IL12RB1: variants seen among roughly 807,000 people sequenced by gnomAD.
The protein encoded by IL12RB1 is interleukin 12 receptor subunit beta 1, also known as interleukin-12 receptor subunit beta-1.
A neutral mutation model predicts 94.4 loss-of-function variants in IL12RB1; 64 were observed. That is an observed-to-expected ratio of 0.68 (90% CI 0.55 to 0.83). The LOEUF (loss-of-function observed/expected upper bound fraction) is 0.83, where lower values mean the gene tolerates loss of function less well. IL12RB1 is among the 40% of genes least tolerant of loss of function. The pLI, the probability that IL12RB1 is intolerant of heterozygous loss-of-function variation, is 0.00. For missense variants in IL12RB1, 814 were observed against 855.6 expected (o/e 0.95, Z 0.61); for synonymous variants, 362 against 355.5 (o/e 1.02, Z -0.21).
At chr19:18,062,748 G>T (rs17879124) in intron 13 of IL12RB1, among the ~76,000 whole-genome samples, 30 of 151,692 alleles carry the variant, frequency 2.0e-4, no homozygotes, top group Admixed American at 2.0e-3. Flanking sequence ...TTCCAGCCTC[G>T]GCAATAAGAG....
rs1260690991 is a variant in IL12RB1 at position 18,066,616 on chromosome 19, A to T, written c.1409T>A (p.Leu470Gln). Reference sequence around the variant, plus strand: ...TAGGACGCCGGGACAGGTGCTCAGCAGGGATGGTGCCCAGTCCACAGACAC... The same window carrying T: ...TAGGACGCCGGGACAGGTGCTCAGCTGGGATGGTGCCCAGTCCACAGACAC... ...DSVSVDWAPSLLSTCPGVLKE... is the reference protein window; with the variant it reads ...DSVSVDWAPSQLSTCPGVLKE... The change falls in exon 12 of 17, where the codon CTG becomes CAG. Residue 470 changes from leucine to glutamine, a missense_variant. Coordinates refer to ENST00000593993, the MANE Select transcript of IL12RB1 (RefSeq NM_005535.3). 2 of 1,613,298 alleles carry T rather than the reference A, an allele frequency of 1.2e-6. No homozygotes were observed. Among genetic ancestry groups the T allele is most frequent in the South Asian group, 2.2e-5 (2 of 91,068 alleles).
intron 8 of IL12RB1, 95 bp from the exon 9 acceptor site, chr19:18,072,444 A>C (rs1476792564): frequency 1.2e-6 from 1 of 808,584 alleles, no homozygotes; most frequent in Non-Finnish European, 2.2e-6. Context: ...ACAGACTTGG[A>C]CAAAGGCCAC....
chr19:18,077,773 A>C (rs928163996), intron 4 of IL12RB1, 118 bp from the exon 5 acceptor site: 1 of 737,592 alleles, frequency 1.4e-6, no homozygotes, highest in Non-Finnish European at 2.5e-6. Context: ...ATTAGGGGAC[A>C]CTTGCAGGTC....
At chr19:18,097,792 C>A in intron 1 of IL12RB1, 2 of 1,221,412 alleles carry the variant, frequency 1.6e-6, no homozygotes, top group Non-Finnish European at 2.0e-6. Context: ...ACTCCCGGGC[C>A]ATGGACGAGT....
intron 2 of IL12RB1, among the ~76,000 whole-genome samples, chr19:18,082,788 A>T (rs1167601928): frequency 6.6e-6 from 1 of 152,178 alleles, no homozygotes; most frequent in Non-Finnish European, 1.5e-5. Context: ...AAATGTTCCG[A>T]CAATATGGCC....
intron 9 of IL12RB1, chr19:18,070,430 C>A: frequency 1.6e-6 from 1 of 634,834 alleles, no homozygotes; most frequent in Non-Finnish European, 2.0e-6. Flanking sequence ...GCCTGACCGG[C>A]GCCACTGGTG....
intron 1 of IL12RB1, chr19:18,097,730 C>G: frequency 9.1e-7 from 1 of 1,099,548 alleles, no homozygotes; most frequent in Non-Finnish European, 1.1e-6. Flanking sequence ...TGGCACCTGG[C>G]GGCGGGGCCT....
rs2034859793 is a variant in IL12RB1 at position 18,069,569 on chromosome 19, T to A, written c.1166A>T (p.Gln389Leu). 1 of 1,610,710 alleles carries A rather than the reference T, an allele frequency of 6.2e-7. No individual in the cohort carries two copies. The highest frequency in any genetic ancestry group is 8.5e-7 in the Non-Finnish European group (1 of 1,179,802). The change falls in exon 10 of 17, where the codon CAA becomes CTA. Residue 389 changes from glutamine to leucine, a missense_variant. Gln to Leu is a moderately radical substitution (Grantham distance 113). Coordinates refer to ENST00000593993, the MANE Select transcript of IL12RB1 (RefSeq NM_005535.3). ...GLATCSLTAPQDPDPAGMATY... is the reference protein window; with the variant it reads ...GLATCSLTAPLDPDPAGMATY... ...ACCCATTCCAGCCGGATCCGGGTCT[T>A]GCGGCGCAGTCAGGCTGCAGGTGGC...
chr19:18,080,441 G>A (rs1330403466), intron 4 of IL12RB1, among the ~76,000 whole-genome samples: 1 of 152,076 alleles, frequency 6.6e-6, no homozygotes, highest in Non-Finnish European at 1.5e-5. Context: ...GTTTCACCAT[G>A]TTGACCAGGA....
At chr19:18,065,968 G>A (rs2034548628) in intron 12 of IL12RB1, among the ~76,000 whole-genome samples, 1 of 151,578 alleles carries the variant, frequency 6.6e-6, no homozygotes, top group African/African-American at 2.4e-5. Context: ...GAGCCCAGGA[G>A]GTTGAGGCTG....
At chr19:18,084,472 GTCCA>G (rs149148752) in intron 1 of IL12RB1, among the ~76,000 whole-genome samples, 9 of 135,476 alleles carry the variant, frequency 6.6e-5, no homozygotes, top group South Asian at 2.4e-4. Context: ...GTATTCATTA[GTCCA>G]TCCATCCATC....
upstream of IL12RB1, among the ~76,000 whole-genome samples, chr19:18,088,316 G>A (rs1356143891): frequency 6.6e-6 from 1 of 151,472 alleles, no homozygotes; most frequent in African/African-American, 2.4e-5. Context: ...AACCCAGGAG[G>A]TGGAGGTTGC....
intron 1 of IL12RB1, among the ~76,000 whole-genome samples, chr19:18,093,994 GT>G (rs1201034012): frequency 6.6e-6 from 1 of 152,178 alleles, no homozygotes; most frequent in African/African-American, 2.4e-5. Flanking sequence ...ATGCATAGGA[GT>G]TTGCCAGGAG....
intron 1 of IL12RB1, among the ~76,000 whole-genome samples, chr19:18,083,701 C>G (rs62121149): frequency 0.052 from 7,699 of 147,652 alleles, 260 homozygotes; most frequent in Non-Finnish European, 0.073. Context: ...ATTCATCCGT[C>G]CACCATCTAC....
In IL12RB1 at chr19:18,059,482, ACGGG is replaced by A; in HGVS notation, c.*122_*125del. 1 of 721,036 alleles carries A rather than the reference ACGGG, an allele frequency of 1.4e-6. No individual in the cohort carries two copies. The highest frequency in any genetic ancestry group is 2.6e-6 in the Non-Finnish European group (1 of 386,232). 44.7% of individuals were successfully genotyped at this position (721,036 alleles called of 1,614,324 possible). A position where few individuals can be genotyped will look rare whatever the true frequency, so the allele number is the denominator to read the frequency against. ...CCCCGCAGGATGGGTGGCAACAGGC[ACGGG>A]GCAGAGAGGAGGCAGGTGCACTGGA... On this transcript the variant is annotated 3_prime_UTR_variant, in exon 17 of 17. Transcript: ENST00000593993.
chr19:18,080,977 G>A lies in IL12RB1; in HGVS notation c.264C>T (p.Tyr88=), dbSNP rs1202592147. The change falls in exon 4 of 17, where the codon TAC becomes TAT. Residue 88 remains tyrosine (Y), a synonymous_variant. Coordinates refer to ENST00000593993, the MANE Select transcript of IL12RB1 (RefSeq NM_005535.3). The stretch of plus-strand genomic sequence containing the variant: ...GCCTGGTGGCTGAGCCGGCGGCGAA[G>A]TAGCAGCAGCGCCCGGAGCTAAGGC... The part of the protein sequence containing the change: ...RCCLSSGRCC[Y]FAAGSATRLQ... 11 of 1,613,146 alleles carry A rather than the reference G, an allele frequency of 6.8e-6. No individual in the cohort carries two copies. Among genetic ancestry groups the A allele is most frequent in the Non-Finnish European group, 9.3e-6 (11 of 1,179,884 alleles).
upstream of IL12RB1, among the ~76,000 whole-genome samples, chr19:18,090,025 G>A (rs532343572): frequency 6.6e-6 from 1 of 152,366 alleles, no homozygotes; most frequent in South Asian, 2.1e-4. Context: ...AGGCCTGGGG[G>A]AGGGGCAGAG....
intron 4 of IL12RB1, 43 bp downstream of exon 4, chr19:18,080,789 C>T (rs148306269): frequency 1.5e-6 from 2 of 1,378,270 alleles, no homozygotes; most frequent in Non-Finnish European, 2.1e-6. Flanking sequence ...GCCTGATGGC[C>T]TCTCTGGGTA....
rs545677925 is a variant in IL12RB1, at chr19:18,074,777, C to T, written c.700+972G>A. ...AAACAAAAAATAGCAGTAGGCCGGG[C>T]GCGGTGGCTCACGCCTGTAATCCCA... On this transcript the variant is annotated intron_variant, in intron 7 of 16. Coordinates refer to ENST00000593993, the MANE Select transcript of IL12RB1 (RefSeq NM_005535.3). Among the ~76,000 whole-genome samples, 76 of 150,850 alleles carry T rather than the reference C, an allele frequency of 5.0e-4. 1 individual carries two copies. The highest frequency in any genetic ancestry group is 3.7e-4 in the Non-Finnish European group (25 of 67,864).
Sources: gnomAD v4.1 joint callset for allele counts (sites outside exome capture counted in the v4.1 genomes callset) on GRCh38, gnomAD v4.1.1 for gene constraint, MANE v1.5 for transcripts, NCBI Gene and HGNC (gene_info 2026-07-23, HGNC 2026-07-21) for gene names.